The following MTMR9 variants were observed in gnomAD, a reference collection of about 807,000 sequenced individuals.
MTMR9 encodes the protein myotubularin related protein 9, also known as myotubularin-related protein 9.
In MTMR9, 39 loss-of-function variants were observed where a neutral mutation model predicts 69.5. The observed-to-expected ratio is 0.56, with a 90% CI of 0.43 to 0.73. The LOEUF is 0.73. Ranked by LOEUF, MTMR9 falls within the 30% of genes least tolerant of loss-of-function variation. The pLI is 0.00. For synonymous variants in MTMR9, 354 were observed against 240.8 expected (o/e 1.47, Z -4.35); for missense variants, 900 against 671.2 (o/e 1.34, Z -3.77).
At chr8:11,287,238 C>A (rs1449030209) in intron 1 of MTMR9, among the ~76,000 whole-genome samples, 1 of 152,234 alleles carries the variant, frequency 6.6e-6, no homozygotes, top group African/African-American at 2.4e-5. Flanking sequence ...TGGTCAGATG[C>A]CGTTGAATAC....
intron 2 of MTMR9, chr8:11,297,837 A>G (rs1799613824): frequency 4.4e-6 from 2 of 456,026 alleles, no homozygotes; most frequent in Non-Finnish European, 8.8e-6. Flanking sequence ...ATGCTCTGTT[A>G]AATGTTCTTA....
the MTMR9 span, among the ~76,000 whole-genome samples, chr8:11,335,115 G>T: frequency 2.0e-5 from 3 of 152,188 alleles, no homozygotes; most frequent in African/African-American, 4.8e-5. Flanking sequence ...TACAGATTGG[G>T]AAGGAAGAAA....
At chr8:11,300,001 T>C in intron 2 of MTMR9, 22 bp from the exon 3 acceptor site, 1 of 1,599,190 alleles carries the variant, frequency 6.3e-7, no homozygotes, top group Non-Finnish European at 8.5e-7. Context: ...CTTTTTTGTC[T>C]TTCTTTTCTT....
At chr8:11,303,288 T>C (rs896512461) in intron 3 of MTMR9, among the ~76,000 whole-genome samples, 2 of 150,910 alleles carry the variant, frequency 1.3e-5, no homozygotes, top group Non-Finnish European at 2.9e-5. Context: ...GAAGCGGCAT[T>C]GCAGATCAAT....
intron 2 of MTMR9, chr8:11,298,830 C>T: frequency 1.0e-6 from 1 of 984,174 alleles, no homozygotes; most frequent in South Asian, 4.7e-5. Flanking sequence ...CTCCCATCTA[C>T]TCAGGTTTTC....
chr8:11,329,016 A>G (rs1801073938), downstream of MTMR9, among the ~76,000 whole-genome samples: 1 of 152,220 alleles, frequency 6.6e-6, no homozygotes, highest in African/African-American at 2.4e-5. Flanking sequence ...AGTTTTTCCC[A>G]ACACTTTGTT....
chr8:11,335,575 G>A, the MTMR9 span, among the ~76,000 whole-genome samples: 2 of 152,076 alleles, frequency 1.3e-5, no homozygotes, highest in African/African-American at 2.4e-5. Context: ...TTTATGAAAA[G>A]CAAAACCCAT....
intron 8 of MTMR9, chr8:11,319,195 C>A (rs1306934878): frequency 6.6e-6 from 1 of 151,988 alleles, no homozygotes; most frequent in Non-Finnish European, 1.5e-5. Context: ...TGTAAGCTAT[C>A]CTGGTTGTTT....
At position 11,327,144 on chromosome 8, in the gene MTMR9, A is replaced by C. The variant is rs1420468984; in HGVS notation, c.*4356A>C. 6.6e-6 allele frequency: 1 copy of C among 152,138 alleles called. No individual in the cohort carries two copies. Among genetic ancestry groups the C allele is most frequent in the Non-Finnish European group, 1.5e-5 (1 of 68,022 alleles). 9.4% of individuals were successfully genotyped at this position (152,138 alleles called of 1,614,324 possible). A position where few individuals can be genotyped will look rare whatever the true frequency, so the allele number is the denominator to read the frequency against. ...CACTGTCCACAGCATCTTCCTTTAA[A>C]CCAATAGTCCCAGAAGAGACCCTCT... On this transcript the variant is annotated 3_prime_UTR_variant, in exon 10 of 10. Coordinates refer to ENST00000221086, the MANE Select transcript of MTMR9 (RefSeq NM_015458.4).
chr8:11,304,330 G>T (rs1055482458), intron 3 of MTMR9, among the ~76,000 whole-genome samples: 4 of 152,142 alleles, frequency 2.6e-5, no homozygotes, highest in African/African-American at 9.7e-5. Context: ...TTCTGGGGAT[G>T]CATTATCTGG....
intron 1 of MTMR9, among the ~76,000 whole-genome samples, chr8:11,293,367 A>T (rs917019079): frequency 1.3e-5 from 2 of 152,230 alleles, no homozygotes; most frequent in Non-Finnish European, 2.9e-5. Flanking sequence ...AACGTTAGAG[A>T]TTAAAAAGTT....
downstream of MTMR9, among the ~76,000 whole-genome samples, chr8:11,330,460 G>T (rs964592221): frequency 1.1e-4 from 16 of 152,250 alleles, no homozygotes; most frequent in African/African-American, 3.9e-4. Flanking sequence ...GACGATGGCG[G>T]TTTTGTGGAA....
intron 2 of MTMR9, among the ~76,000 whole-genome samples, chr8:11,295,993 G>T (rs1044388010): frequency 4.6e-5 from 7 of 152,016 alleles, no homozygotes; most frequent in Non-Finnish European, 8.8e-5. Context: ...GCTAGAAGTG[G>T]AATTGTTTCT....
chr8:11,326,731 G>C lies in MTMR9; in HGVS notation c.*3943G>C, dbSNP rs910464069. 2.0e-5 allele frequency: 3 copies of C among 152,232 alleles called. No homozygotes were observed. Among genetic ancestry groups the C allele is most frequent in the African/African-American group, 7.2e-5 (3 of 41,432 alleles). 9.4% of individuals were successfully genotyped at this position (152,232 alleles called of 1,614,324 possible). A position where few individuals can be genotyped will look rare whatever the true frequency, so the allele number is the denominator to read the frequency against. ...TACGCCTGTAATCCCAGCACTTTGG[G>C]AGGCCAAGGCGGGCGGATCATGAGG... On this transcript the variant is annotated 3_prime_UTR_variant, in exon 10 of 10. Transcript: ENST00000221086.
Position 11,300,095 on chromosome 8 carries a change from GATGGCTGGC to G in MTMR9, c.367_375del (p.Gly123_His125del), listed in dbSNP as rs1563271364. 6.2e-7 allele frequency: 1 copy of G among 1,613,646 alleles called. No individual in the cohort carries two copies. The highest frequency in any genetic ancestry group is 1.1e-5 in the South Asian group (1 of 91,072). ...CCGTCCTATGTTTGAAGTGATAGAA[GATGGCTGGC>G]ATTCCTTCCTTCCTGAGCAAGAATT... On this transcript the variant is annotated inframe_deletion, in exon 3 of 10. Transcript: ENST00000221086.
In MTMR9 at chr8:11,316,908, C is replaced by T. The variant is rs369350452; in HGVS notation, c.1334+15C>T. On this transcript the variant is annotated intron_variant, in intron 8 of 9. Coordinates refer to ENST00000221086, the MANE Select transcript of MTMR9 (RefSeq NM_015458.4). Reference sequence around the variant, plus strand: ...GAAAGTGAAAGGTGAGTACACTGCTCACATGGGGACCTTTCCTTTTCCGTT... The same window carrying T: ...GAAAGTGAAAGGTGAGTACACTGCTTACATGGGGACCTTTCCTTTTCCGTT... The T allele has an allele frequency of 6.6e-7, 1 of 1,519,062 alleles. No individual in the cohort carries two copies. The highest frequency in any genetic ancestry group is 2.1e-5 in the Admixed American group (1 of 47,722). 94.1% of individuals were successfully genotyped at this position (1,519,062 alleles called of 1,614,324 possible).
intron 1 of MTMR9, among the ~76,000 whole-genome samples, chr8:11,292,337 G>A (rs1451365174): frequency 1.3e-5 from 2 of 152,096 alleles, no homozygotes; most frequent in African/African-American, 4.8e-5. Flanking sequence ...TCTCTTGGGT[G>A]GCAAGCCATT....
downstream of MTMR9, chr8:11,331,745 G>A: frequency 1.2e-6 from 2 of 1,611,914 alleles, no homozygotes; most frequent in Non-Finnish European, 8.5e-7. Context: ...ATCGTTCTCT[G>A]CACTTTCCCT....
In MTMR9 at chr8:11,284,927, C is replaced by T. The variant is rs976676633; in HGVS notation, c.39C>T (p.Asp13=). ...AGCTGATTAAGACCCCGCGGGTGGA[C>T]AATGTGGTGCTGCACCGGCCTTTCT... ...FAELIKTPRV[D]NVVLHRPFYP... The change falls in exon 1 of 10, where the codon GAC becomes GAT. Residue 13 remains aspartate (D), a synonymous_variant. Transcript: ENST00000221086. 6 of 1,612,232 alleles carry T rather than the reference C, an allele frequency of 3.7e-6. No homozygotes were observed. The African/African-American group carries it at 4.0e-5, about 11-fold the overall frequency.
Sources: gnomAD v4.1 joint callset for allele counts (sites outside exome capture counted in the v4.1 genomes callset) on GRCh38, gnomAD v4.1.1 for gene constraint, MANE v1.5 for transcripts, NCBI Gene and HGNC (gene_info 2026-07-23, HGNC 2026-07-21) for gene names.